Variants in PCDHGB1 observed in about 807,000 individuals in gnomAD.
The protein encoded by PCDHGB1 is protocadherin gamma subfamily B, 1.
A neutral mutation model predicts 56.6 loss-of-function variants in PCDHGB1; 34 were observed. The observed-to-expected ratio is 0.60, with a 90% confidence interval of 0.46 to 0.80. PCDHGB1 has a LOEUF of 0.80. PCDHGB1 is among the 30% of genes least tolerant of loss of function. The probability of loss-of-function intolerance (pLI) is 0.00; values close to 1 mark genes in which losing one functional copy is unlikely to be tolerated. For missense variants in PCDHGB1, 1,278 were observed against 1,204.6 expected, an observed-to-expected ratio of 1.06 and a Z score of -0.90; for synonymous variants, 561 against 505.9, an observed-to-expected ratio of 1.11 and a Z score of -1.46.
intron 1 of PCDHGB1, chr5:141,393,035 CTT>C: frequency 6.2e-7 from 1 of 1,613,790 alleles, no homozygotes; most frequent in South Asian, 1.1e-5. Flanking sequence ...GGACGCAGCT[CTT>C]TGCTCTGAAC....
chr5:141,468,899 T>C (rs1051519139), intron 1 of PCDHGB1, among the ~76,000 whole-genome samples: 2 of 151,550 alleles, frequency 1.3e-5, no homozygotes, highest in Non-Finnish European at 2.9e-5. Flanking sequence ...GGTACTAATA[T>C]GATCCAGACT....
rs1260935778 is a variant in PCDHGB1 at position 141,360,689 on chromosome 5, C to T, written c.2409+8020C>T. ...TACTTTGATCTCGCTGAGAAACAGA[C>T]TCCAGATGGTCGTAAATATCCTGAG... On this transcript the variant is annotated intron_variant, in intron 1 of 3. Transcript: ENST00000523390. 3 of 1,613,874 alleles carry T rather than the reference C, an allele frequency of 1.9e-6. No homozygotes were observed. The African/African-American group carries it at 4.0e-5, about 22-fold the overall frequency.
At chr5:141,502,739 A>C (rs1287180048) in intron 2 of PCDHGB1, among the ~76,000 whole-genome samples, 1 of 152,070 alleles carries the variant, frequency 6.6e-6, no homozygotes, top group Non-Finnish European at 1.5e-5. Flanking sequence ...ATGTTCTGTC[A>C]TTCCTTCTAC....
intron 1 of PCDHGB1, chr5:141,402,820 C>T: frequency 1.6e-6 from 2 of 1,288,164 alleles, no homozygotes; most frequent in Admixed American, 3.0e-5. Context: ...CACAAACCTG[C>T]TCCCAGGCTG....
At chr5:141,398,989 T>G (rs766277028) in intron 1 of PCDHGB1, 2 of 1,613,796 alleles carry the variant, frequency 1.2e-6, no homozygotes, top group Non-Finnish European at 1.7e-6. Flanking sequence ...CGGGCAAATC[T>G]TTAGTCTGAA....
chr5:141,374,277 G>A, intron 1 of PCDHGB1: 4 of 1,613,958 alleles, frequency 2.5e-6, no homozygotes, highest in Non-Finnish European at 3.4e-6. Context: ...CACGGAGTCC[G>A]CATCGTCTCC....
intron 1 of PCDHGB1, chr5:141,415,488 C>T: frequency 1.9e-6 from 3 of 1,614,220 alleles, no homozygotes; most frequent in Non-Finnish European, 2.5e-6. Context: ...GAAAGAGTCA[C>T]CTGATCTTCC....
intron 1 of PCDHGB1, among the ~76,000 whole-genome samples, chr5:141,469,864 C>T (rs963843852): frequency 6.6e-6 from 1 of 152,218 alleles, no homozygotes; most frequent in African/African-American, 2.4e-5. Flanking sequence ...GGTGCAATGG[C>T]TCACGCCTGT....
intron 1 of PCDHGB1, chr5:141,408,041 C>T: frequency 1.7e-6 from 2 of 1,193,652 alleles, no homozygotes; most frequent in Non-Finnish European, 2.3e-6. Context: ...AAACCAGCTC[C>T]CACACAGAGC....
intron 1 of PCDHGB1, chr5:141,378,592 C>T (rs1309988973): frequency 6.6e-6 from 1 of 152,104 alleles, no homozygotes; most frequent in Non-Finnish European, 1.5e-5. Flanking sequence ...GTAGTGTCTG[C>T]TTACAGGACA....
rs773157241 is a variant in PCDHGB1, at chr5:141,370,760, G to A, written c.2409+18091G>A. 7 of 1,613,862 alleles carry A rather than the reference G, an allele frequency of 4.3e-6. No individual in the cohort carries two copies. The Admixed American group carries it at 1.2e-4, about 27-fold the overall frequency. On this transcript the variant is annotated intron_variant, in intron 1 of 3. Coordinates refer to ENST00000523390, the MANE Select transcript of PCDHGB1 (RefSeq NM_018922.3). ...TAAACTTTTTTCATGTAACTGTGCT[G>A]ATCCAGGATATTAACGACAACCCAC...
chr5:141,425,881 A>C (rs911454948), intron 1 of PCDHGB1, among the ~76,000 whole-genome samples: 1 of 152,230 alleles, frequency 6.6e-6, no homozygotes, highest in African/African-American at 2.4e-5. Context: ...TCTCTAAGGA[A>C]TCTTCTTTGG....
intron 2 of PCDHGB1, among the ~76,000 whole-genome samples, chr5:141,497,076 C>T (rs1052240279): frequency 5.9e-5 from 9 of 151,826 alleles, no homozygotes; most frequent in Non-Finnish European, 8.8e-5. Context: ...GTAATCCCAG[C>T]GACTTAGGAG....
chr5:141,470,870 G>GT (rs1230952624), intron 1 of PCDHGB1, among the ~76,000 whole-genome samples: 1 of 151,546 alleles, frequency 6.6e-6, no homozygotes, highest in Non-Finnish European at 1.5e-5. Context: ...TTGTTTGTTT[G>GT]TTTTTTTGTT....
At chr5:141,390,854 T>G (rs1366490028) in intron 1 of PCDHGB1, 1 of 157,616 alleles carries the variant, frequency 6.3e-6, no homozygotes, top group Non-Finnish European at 1.4e-5. Context: ...ATATGCAGTG[T>G]ACGCTGTGTG....
intron 1 of PCDHGB1, among the ~76,000 whole-genome samples, chr5:141,387,512 T>G (rs1371060044): frequency 1.3e-5 from 2 of 152,256 alleles, no homozygotes; most frequent in South Asian, 4.1e-4. Flanking sequence ...TTAGACGTCA[T>G]TAAATATACA....
At chr5:141,472,256 T>C (rs2099275290) in intron 1 of PCDHGB1, among the ~76,000 whole-genome samples, 1 of 152,176 alleles carries the variant, frequency 6.6e-6, no homozygotes, top group South Asian at 2.1e-4. Flanking sequence ...TAAAGTTATA[T>C]TATAGCCGGG....
At chr5:141,445,169 T>C (rs2098458681) in intron 1 of PCDHGB1, among the ~76,000 whole-genome samples, 3 of 152,320 alleles carry the variant, frequency 2.0e-5, no homozygotes, top group Non-Finnish European at 1.5e-5. Flanking sequence ...TACAGAAAAA[T>C]GAAAAACTAT....
intron 1 of PCDHGB1, chr5:141,366,634 G>C (rs1349897930): frequency 1.9e-6 from 3 of 1,614,220 alleles, no homozygotes; most frequent in Middle Eastern, 1.6e-4. Context: ...AGAGTCACCT[G>C]ATCTTTCCCC....
Sources: gnomAD v4.1 joint callset for allele counts (sites outside exome capture counted in the v4.1 genomes callset) on GRCh38, gnomAD v4.1.1 for gene constraint, MANE v1.5 for transcripts, NCBI Gene and HGNC (gene_info 2026-07-23, HGNC 2026-07-21) for gene names.